The following ADAMTSL1 variants were observed in gnomAD, a reference collection of about 807,000 sequenced individuals.
ADAMTSL1 encodes ADAMTS like 1.
ADAMTSL1 carries 126 observed loss-of-function variants against 201.8 expected under a neutral mutation model. That is an observed-to-expected ratio of 0.62 (90% CI 0.54 to 0.72). The LOEUF (loss-of-function observed/expected upper bound fraction) is 0.72. ADAMTSL1 is among the 30% of genes least tolerant of loss of function. The pLI, the probability that ADAMTSL1 is intolerant of heterozygous loss-of-function variation, is 0.00. For synonymous variants in ADAMTSL1, 1,121 were observed against 903.4 expected, an observed-to-expected ratio of 1.24 and a Z score of -4.32; for missense variants, 2,679 against 2,277.8, an observed-to-expected ratio of 1.18 and a Z score of -3.59.
At chr9:18,696,100 C>T (rs1831530471) in intron 13 of ADAMTSL1, among the ~76,000 whole-genome samples, 1 of 152,192 alleles carries the variant, frequency 6.6e-6, no homozygotes. Context: ...AAAATCCACT[C>T]CCATGGTCCA....
intron 4 of ADAMTSL1, among the ~76,000 whole-genome samples, chr9:18,600,127 A>C (rs375707888): frequency 6.5e-4 from 98 of 151,602 alleles, no homozygotes; most frequent in Middle Eastern, 3.5e-3. Flanking sequence ...GGCCTCTTTC[A>C]CTCACTGCAC....
At chr9:18,375,172 A>C (rs1240132445) in intron 2 of ADAMTSL1, among the ~76,000 whole-genome samples, 1 of 152,236 alleles carries the variant, frequency 6.6e-6, no homozygotes, top group Admixed American at 6.5e-5. Context: ...GCTCTTCCTC[A>C]GTTCCGCATT....
intron 2 of ADAMTSL1, among the ~76,000 whole-genome samples, chr9:18,274,448 A>G (rs1832508159): frequency 1.3e-5 from 2 of 152,186 alleles, no homozygotes; most frequent in Non-Finnish European, 2.9e-5. Context: ...AGTTATAGAA[A>G]TTGATTATAT....
chr9:18,356,952 C>A (rs907677939), intron 2 of ADAMTSL1, among the ~76,000 whole-genome samples: 1 of 152,162 alleles, frequency 6.6e-6, no homozygotes, highest in Non-Finnish European at 1.5e-5. Context: ...CTTGTCCTGG[C>A]TGATTCCTAT....
chr9:17,918,276 G>A (rs1287534942), intron 1 of ADAMTSL1, among the ~76,000 whole-genome samples: 2 of 151,406 alleles, frequency 1.3e-5, no homozygotes. Flanking sequence ...AAACACAGAT[G>A]TTTAATGATA....
In ADAMTSL1 at chr9:18,735,192, T is replaced by G. The variant is rs570075687; in HGVS notation, c.2006+13527T>G. ...CAGGGAAATGTATTTATGTTGCATT[T>G]CAGGCAATGGTGAAAAACTATGGAA... On this transcript the variant is annotated intron_variant, in intron 15 of 28. Coordinates refer to ENST00000380548, the MANE Select transcript of ADAMTSL1 (RefSeq NM_001040272.6). Among the ~76,000 whole-genome samples, 28 of 152,286 alleles carry G rather than the reference T, an allele frequency of 1.8e-4. No homozygotes were observed. In the South Asian group the frequency reaches 3.7e-3, roughly 20 times the overall value.
chr9:18,435,036 C>T (rs1179533599), intron 2 of ADAMTSL1, among the ~76,000 whole-genome samples: 1 of 152,164 alleles, frequency 6.6e-6, no homozygotes, highest in Non-Finnish European at 1.5e-5. Context: ...TGCTTTGTAA[C>T]TTGTGAATGC....
chr9:18,632,057 C>A (rs16936919), intron 5 of ADAMTSL1, among the ~76,000 whole-genome samples: 1 of 152,124 alleles, frequency 6.6e-6, no homozygotes, highest in Non-Finnish European at 1.5e-5. Context: ...ATGTGCAGCA[C>A]GGTGGGAGAG....
chr9:18,065,651 A>C (rs1563979081), intron 1 of ADAMTSL1, among the ~76,000 whole-genome samples: 1 of 152,182 alleles, frequency 6.6e-6, no homozygotes, highest in East Asian at 1.9e-4. Flanking sequence ...TCTGTGCTTA[A>C]GGTTAGTTTG....
chr9:18,596,101 A>G lies in ADAMTSL1; in HGVS notation c.474+21835A>G, dbSNP rs143473321. The stretch of plus-strand genomic sequence containing the variant: ...GTTTTGAAACTGAAAGGGAATTTGA[A>G]ATTTTGTAGTTTAATATTTCCATTT... On this transcript the variant is annotated intron_variant, in intron 4 of 28. Coordinates refer to ENST00000380548, the MANE Select transcript of ADAMTSL1 (RefSeq NM_001040272.6). Among the ~76,000 whole-genome samples, 1,283 of 152,270 alleles carry G rather than the reference A, an allele frequency of 8.4e-3. 14 individuals carry two copies. The highest frequency in any genetic ancestry group is 0.019 in the South Asian group (90 of 4,828).
intron 2 of ADAMTSL1, among the ~76,000 whole-genome samples, chr9:18,164,514 A>C (rs555278019): frequency 6.6e-6 from 1 of 151,858 alleles, no homozygotes; most frequent in African/African-American, 2.4e-5. Context: ...AGTTGACTGG[A>C]GATGTCAAGA....
intron 20 of ADAMTSL1, among the ~76,000 whole-genome samples, chr9:18,811,145 C>T (rs968484888): frequency 3.3e-5 from 5 of 151,942 alleles, no homozygotes; most frequent in African/African-American, 4.8e-5. Flanking sequence ...CAAATGCCAC[C>T]GAAAACAGTG....
chr9:18,049,218 C>T (rs148573454), intron 1 of ADAMTSL1, among the ~76,000 whole-genome samples: 22 of 152,302 alleles, frequency 1.4e-4, no homozygotes, highest in African/African-American at 5.3e-4. Flanking sequence ...TTCCCAGTTA[C>T]CATGGGTTAG....
At chr9:18,892,675 T>C in intron 26 of ADAMTSL1, 79 bp downstream of exon 26, 5 of 1,447,020 alleles carry the variant, frequency 3.5e-6, no homozygotes, top group Non-Finnish European at 4.7e-6. Flanking sequence ...TGAAATGCTA[T>C]CACTGCCACT....
At chr9:18,730,391 G>A (rs1030095662) in intron 15 of ADAMTSL1, among the ~76,000 whole-genome samples, 1 of 152,228 alleles carries the variant, frequency 6.6e-6, no homozygotes, top group African/African-American at 2.4e-5. Context: ...TAATCTGGCC[G>A]ATACAGTTCA....
rs1298570738 is a variant in ADAMTSL1 at position 18,688,690 on chromosome 9, ATATATAT to A, written c.1574+3891_1574+3897del. 3.0e-3 allele frequency among the ~76,000 whole-genome samples: 86 copies of A among 28,812 alleles called. 1 individual carries two copies. Among genetic ancestry groups the A allele is most frequent in the Non-Finnish European group, 5.8e-3 (70 of 12,096 alleles). 18.9% of individuals were successfully genotyped at this position (28,812 alleles called of 152,430 possible). ...AAAAAAAAAAAAAAAAAAAAAAAAAATATATATATATATATATATGACTGTGACTAAG... is the reference window on the plus strand; with the variant it reads ...AAAAAAAAAAAAAAAAAAAAAAAAAAATATATATATATGACTGTGACTAAG... On this transcript the variant is annotated intron_variant, in intron 13 of 28. Coordinates refer to ENST00000380548, the MANE Select transcript of ADAMTSL1 (RefSeq NM_001040272.6).
chr9:17,977,919 C>T (rs1448690914), intron 1 of ADAMTSL1, among the ~76,000 whole-genome samples: 2 of 151,996 alleles, frequency 1.3e-5, no homozygotes, highest in Admixed American at 6.6e-5. Flanking sequence ...TTAAAATCCC[C>T]TACCATTATT....
intron 2 of ADAMTSL1, among the ~76,000 whole-genome samples, chr9:18,179,892 G>C (rs1345968187): frequency 6.6e-6 from 1 of 151,864 alleles, no homozygotes; most frequent in Non-Finnish European, 1.5e-5. Context: ...ACATGGAAAG[G>C]AACAACAAGT....
chr9:18,765,709 G>A (rs1346183802), intron 16 of ADAMTSL1, among the ~76,000 whole-genome samples: 2 of 152,112 alleles, frequency 1.3e-5, no homozygotes, highest in African/African-American at 4.8e-5. Context: ...TGATATACTG[G>A]GGAAAAGTTT....
Sources: gnomAD v4.1 joint callset for allele counts (sites outside exome capture counted in the v4.1 genomes callset) on GRCh38, gnomAD v4.1.1 for gene constraint, MANE v1.5 for transcripts, NCBI Gene and HGNC (gene_info 2026-07-23, HGNC 2026-07-21) for gene names.